The following PLGRKT variants were observed in gnomAD, a reference collection of about 807,000 sequenced individuals.
PLGRKT encodes the protein plasminogen receptor with a C-terminal lysine.
PLGRKT carries 22 observed loss-of-function variants against 18.5 expected under a neutral mutation model. The observed-to-expected ratio is 1.19, with a 90% CI of 0.85 to 1.70. The LOEUF (loss-of-function observed/expected upper bound fraction) is 1.70, where lower values mean the gene tolerates loss of function less well. PLGRKT is among the 40% of genes most tolerant of loss of function. The pLI is 0.00. For synonymous variants in PLGRKT, 72 were observed against 52.8 expected (o/e 1.36, Z -1.58); for missense variants, 235 against 174.4 (o/e 1.35, Z -1.96).
Position 5,418,865 on chromosome 9 carries a change from G to A in PLGRKT, c.81+13032C>T, listed in dbSNP as rs1818517204. The A allele has an allele frequency of 1.9e-6, 2 of 1,041,610 alleles. No individual in the cohort carries two copies. Among genetic ancestry groups the A allele is most frequent in the Non-Finnish European group, 3.0e-6 (2 of 670,804 alleles). 64.5% of individuals were successfully genotyped at this position (1,041,610 alleles called of 1,614,324 possible). ...TTCTGGCTGGTCCTCGTCTGCTGGA[G>A]GCAAACTGAACAGCAGGTGTGCTTG... is the stretch of plus-strand genomic sequence containing the variant. On this transcript the variant is annotated intron_variant, in intron 3 of 5. Coordinates refer to ENST00000223864, the MANE Select transcript of PLGRKT (RefSeq NM_018465.4). The surrounding 1 kb of genome is among the most constrained non-coding windows in gnomAD (Gnocchi z 4.2).
intron 3 of PLGRKT, among the ~76,000 whole-genome samples, chr9:5,424,293 T>A (rs897039395): frequency 7.3e-6 from 1 of 137,072 alleles, no homozygotes; most frequent in Non-Finnish European, 1.5e-5. Flanking sequence ...ATATATTAGA[T>A]ATTAGCTGGG....
At chr9:5,383,612 T>A (rs913043799) in intron 3 of PLGRKT, among the ~76,000 whole-genome samples, 2 of 152,142 alleles carry the variant, frequency 1.3e-5, no homozygotes, top group African/African-American at 4.8e-5. Context: ...AACTAGACGG[T>A]CCCATCTAGG....
chr9:5,432,726 G>A (rs1463390454), intron 2 of PLGRKT, among the ~76,000 whole-genome samples: 1 of 152,186 alleles, frequency 6.6e-6, no homozygotes, highest in Non-Finnish European at 1.5e-5. Context: ...TCGAGCTCCT[G>A]GCCTCGGGTG....
At chr9:5,394,352 G>C (rs531375826) in intron 3 of PLGRKT, among the ~76,000 whole-genome samples, 8 of 151,970 alleles carry the variant, frequency 5.3e-5, no homozygotes, top group South Asian at 2.1e-4. Context: ...AATGAAGAAC[G>C]AGGGAGAAAA....
chr9:5,415,315 T>C (rs1488438602), intron 3 of PLGRKT, among the ~76,000 whole-genome samples: 1 of 152,106 alleles, frequency 6.6e-6, no homozygotes, highest in African/African-American at 2.4e-5. Flanking sequence ...CGAAAACATA[T>C]TCATATAAAT....
chr9:5,368,807 T>C (rs1817452449), intron 3 of PLGRKT, among the ~76,000 whole-genome samples: 1 of 152,034 alleles, frequency 6.6e-6, no homozygotes, highest in Admixed American at 6.6e-5. Context: ...CCACCACACA[T>C]CTACAACCAT....
rs570559214 is a variant in PLGRKT, at chr9:5,393,062, A to T, written c.82-31174T>A. On this transcript the variant is annotated intron_variant, in intron 3 of 5. Coordinates refer to ENST00000223864, the MANE Select transcript of PLGRKT (RefSeq NM_018465.4). ...TCACCATGTTGGCCAGGCTGGTCTC[A>T]AACTTCTGACCTCAGGTGATCCACC... is the stretch of plus-strand genomic sequence containing the variant. 2.6e-5 allele frequency among the ~76,000 whole-genome samples: 4 copies of T among 151,710 alleles called. No individual in the cohort carries two copies. In the South Asian group the frequency reaches 6.2e-4, roughly 24 times the overall value.
chr9:5,431,495 C>A (rs899372236), intron 3 of PLGRKT, among the ~76,000 whole-genome samples: 2 of 142,070 alleles, frequency 1.4e-5, no homozygotes, highest in Non-Finnish European at 3.0e-5. Flanking sequence ...GATCATACCA[C>A]TGCACTCCAG....
Position 5,358,171 on chromosome 9 carries a change from A to C in PLGRKT, c.*68T>G. 2.5e-6 allele frequency: 3 copies of C among 1,200,742 alleles called. No homozygotes were observed. Among genetic ancestry groups the C allele is most frequent in the Non-Finnish European group, 3.5e-6 (3 of 850,208 alleles). The allele number at this position is 1,200,742 out of a possible 1,614,324, so 74.4% of individuals were successfully genotyped here. On this transcript the variant is annotated 3_prime_UTR_variant, in exon 6 of 6. Transcript: ENST00000223864. Reference sequence around the variant, plus strand: ...ATAATATCAAAATCTTGAGCATTTAAAAAACTGTAAAAACCATGATTCAAG... The same window carrying C: ...ATAATATCAAAATCTTGAGCATTTACAAAACTGTAAAAACCATGATTCAAG...
chr9:5,365,928 T>C (rs1817375725), intron 3 of PLGRKT, among the ~76,000 whole-genome samples: 3 of 152,186 alleles, frequency 2.0e-5, no homozygotes, highest in Admixed American at 6.5e-5. Flanking sequence ...AGATAAATTA[T>C]GAAAATCAGC....
chr9:5,366,075 T>C (rs900909806), intron 3 of PLGRKT, among the ~76,000 whole-genome samples: 2 of 152,196 alleles, frequency 1.3e-5, no homozygotes, highest in South Asian at 2.1e-4. Flanking sequence ...TTATTAACTA[T>C]TCTAAATTTC....
intron 3 of PLGRKT, among the ~76,000 whole-genome samples, chr9:5,389,441 G>C (rs189494685): frequency 5.9e-5 from 9 of 152,006 alleles, no homozygotes; most frequent in South Asian, 2.1e-4. Flanking sequence ...CTAGCTGATA[G>C]TGCCAGGTCA....
chr9:5,383,799 C>A (rs539880752), intron 3 of PLGRKT, among the ~76,000 whole-genome samples: 21 of 152,328 alleles, frequency 1.4e-4, no homozygotes, highest in African/African-American at 4.8e-4. Flanking sequence ...TGCCGCTCAT[C>A]TCCTGCTGGG....
intron 3 of PLGRKT, among the ~76,000 whole-genome samples, chr9:5,398,993 A>C (rs560664861): frequency 6.6e-6 from 1 of 151,600 alleles, no homozygotes; most frequent in Non-Finnish European, 1.5e-5. Flanking sequence ...AGAGTTACTC[A>C]TAGATAACTT....
chr9:5,424,213 T>A (rs965694705), intron 3 of PLGRKT, among the ~76,000 whole-genome samples: 1 of 137,984 alleles, frequency 7.2e-6, no homozygotes, highest in Non-Finnish European at 1.5e-5. Context: ...ATATATGTAA[T>A]ATGTAATATA....
rs753853441 is a variant in PLGRKT at position 5,431,916 on chromosome 9, A to C, written c.62T>G (p.Leu21Arg). The C allele has an allele frequency of 6.5e-7, 1 of 1,527,486 alleles. No individual in the cohort carries two copies. Among genetic ancestry groups the C allele is most frequent in the East Asian group, 2.3e-5 (1 of 44,440 alleles). 94.6% of individuals were successfully genotyped at this position (1,527,486 alleles called of 1,614,324 possible). ...ESMKNQKEFM[L>R]MNARLQLERQ... ...ACATACCTGAAGTCGAGCATTCATA[A>C]GCATGAACTCCTTTTGATTTTTCAT... The change falls in exon 3 of 6, where the codon CTT becomes CGT. Residue 21 changes from leucine (L) to arginine (R), a missense_variant. Coordinates refer to ENST00000223864, the MANE Select transcript of PLGRKT (RefSeq NM_018465.4).
rs778959204 is a variant in PLGRKT at position 5,358,410 on chromosome 9, T to C, written c.323-50A>G. On this transcript the variant is annotated intron_variant, in intron 5 of 5. Coordinates refer to ENST00000223864, the MANE Select transcript of PLGRKT (RefSeq NM_018465.4). ...AAGGTGACAAAGGGGTCATCAGCAA[T>C]TTGTGACAAAGCCTGATTGCTATAT... 1.2e-5 allele frequency: 19 copies of C among 1,584,882 alleles called. No individual in the cohort carries two copies. The Admixed American group carries it at 3.2e-4, about 27-fold the overall frequency.
chr9:5,418,855 G>C lies in PLGRKT; in HGVS notation c.81+13042C>G, dbSNP rs764634708. 2 of 1,061,900 alleles carry C rather than the reference G, an allele frequency of 1.9e-6. No homozygotes were observed. Among genetic ancestry groups the C allele is most frequent in the East Asian group, 2.5e-5 (1 of 40,126 alleles). 65.8% of individuals were successfully genotyped at this position (1,061,900 alleles called of 1,614,324 possible). ...TCGCACATCCTTCTGGCTGGTCCTC[G>C]TCTGCTGGAGGCAAACTGAACAGCA... On this transcript the variant is annotated intron_variant, in intron 3 of 5. Transcript: ENST00000223864. This position sits in a 1 kb window ranked among gnomAD's most constrained non-coding sequence, Gnocchi z 4.2.
In PLGRKT at chr9:5,366,554, A is replaced by G. The variant is rs150811102; in HGVS notation, c.82-4666T>C. Among the ~76,000 whole-genome samples the G allele has an allele frequency of 5.0e-3, 757 of 152,202 alleles. 7 individuals carry two copies. Among genetic ancestry groups the G allele is most frequent in the African/African-American group, 0.018 (729 of 41,550 alleles). ...AACCACAATTAATTTCAAAGAGAGC[A>G]CATAAGACGCTCCACAAACTAGGCA... On this transcript the variant is annotated intron_variant, in intron 3 of 5. Transcript: ENST00000223864.
Sources: allele counts gnomAD v4.1 joint callset (sites outside exome capture counted in the v4.1 genomes callset), GRCh38; gene constraint gnomAD v4.1.1; non-coding constraint Gnocchi (gnomAD v3.1); transcripts MANE v1.5; gene names NCBI Gene and HGNC (gene_info 2026-07-23, HGNC 2026-07-21).